GABRG3: variants seen among roughly 807,000 people sequenced by gnomAD.
GABRG3 encodes gamma-aminobutyric acid type A receptor subunit gamma3.
A neutral mutation model predicts 48.8 loss-of-function variants in GABRG3; 25 were observed. The observed-to-expected ratio is 0.51, with a 90% CI of 0.37 to 0.72. The LOEUF (loss-of-function observed/expected upper bound fraction) is 0.72. GABRG3 is among the 30% of genes least tolerant of loss of function. The pLI is 0.00. For synonymous variants in GABRG3, 227 were observed against 217.6 expected (o/e 1.04, Z -0.38); for missense variants, 394 against 577.9 (o/e 0.68, Z 3.26).
At chr15:27,276,479 A>G (rs1891258514) in intron 3 of GABRG3, among the ~76,000 whole-genome samples, 2 of 152,162 alleles carry the variant, frequency 1.3e-5, no homozygotes, top group Non-Finnish European at 2.9e-5. Flanking sequence ...AGACTAGAAT[A>G]TTTCATGGAT....
chr15:27,237,942 G>A (rs1392457963), intron 3 of GABRG3, among the ~76,000 whole-genome samples: 4 of 152,198 alleles, frequency 2.6e-5, no homozygotes, highest in Admixed American at 1.3e-4. Context: ...CTTAGACTCT[G>A]CATGCCCTCT....
At chr15:27,512,161 A>G (rs547071625) in intron 6 of GABRG3, among the ~76,000 whole-genome samples, 49 of 152,308 alleles carry the variant, frequency 3.2e-4, no homozygotes, top group African/African-American at 1.2e-3. Context: ...TGGCTGTTAG[A>G]TAGAAAATAA....
intron 2 of GABRG3, among the ~76,000 whole-genome samples, chr15:27,004,129 ACC>A (rs1326410581): frequency 8.2e-6 from 1 of 121,992 alleles, no homozygotes; most frequent in Non-Finnish European, 1.7e-5. Context: ...CGGGGGGCTG[ACC>A]CCCCCACCTC....
intron 2 of GABRG3, among the ~76,000 whole-genome samples, chr15:27,001,963 G>A (rs1895457543): frequency 6.9e-6 from 1 of 144,780 alleles, no homozygotes; most frequent in Non-Finnish European, 1.5e-5. Flanking sequence ...TGATGTAGAT[G>A]AAGATATAGT....
At chr15:27,501,760 T>C (rs1158569475) in intron 6 of GABRG3, among the ~76,000 whole-genome samples, 4 of 152,174 alleles carry the variant, frequency 2.6e-5, no homozygotes, top group Non-Finnish European at 5.9e-5. Flanking sequence ...TCTGTCTCGT[T>C]TGGTTGTGTG....
At chr15:27,233,098 T>G (rs1399854743) in intron 3 of GABRG3, among the ~76,000 whole-genome samples, 1 of 151,974 alleles carries the variant, frequency 6.6e-6, no homozygotes, top group African/African-American at 2.4e-5. Context: ...ATCACTTGTG[T>G]TGGAAGCTGC....
At chr15:27,255,969 T>C (rs906750404) in intron 3 of GABRG3, among the ~76,000 whole-genome samples, 3 of 152,236 alleles carry the variant, frequency 2.0e-5, no homozygotes, top group Admixed American at 6.5e-5. Context: ...TGTTCACTTC[T>C]TAATTCCCAG....
intron 3 of GABRG3, among the ~76,000 whole-genome samples, chr15:27,115,890 A>C (rs1171618454): frequency 6.6e-6 from 1 of 152,200 alleles, no homozygotes; most frequent in Non-Finnish European, 1.5e-5. Context: ...TAGACAATGA[A>C]GGGGTAAAGT....
intron 3 of GABRG3, among the ~76,000 whole-genome samples, chr15:27,070,936 G>C (rs1019306972): frequency 3.3e-5 from 5 of 152,162 alleles, no homozygotes; most frequent in African/African-American, 1.2e-4. Context: ...GGTGCAGACG[G>C]GACTGCGAGG....
chr15:27,269,939 T>C (rs1425776994), intron 3 of GABRG3, among the ~76,000 whole-genome samples: 11 of 152,216 alleles, frequency 7.2e-5, no homozygotes, highest in Non-Finnish European at 1.5e-5. Context: ...TAAACTAATA[T>C]TAACTATAAT....
chr15:27,034,922 T>C (rs766012794), intron 3 of GABRG3, among the ~76,000 whole-genome samples: 5 of 152,220 alleles, frequency 3.3e-5, no homozygotes, highest in Non-Finnish European at 7.3e-5. Context: ...TTTGCTCCAG[T>C]AGTCTTAGCT....
At chr15:27,411,965 A>T (rs991018220) in intron 5 of GABRG3, among the ~76,000 whole-genome samples, 3 of 151,802 alleles carry the variant, frequency 2.0e-5, no homozygotes, top group Non-Finnish European at 4.4e-5. Context: ...TTCTTTCTTT[A>T]TGTAGGTTTA....
At chr15:27,347,356 G>T (rs935766873) in intron 5 of GABRG3, among the ~76,000 whole-genome samples, 3 of 152,146 alleles carry the variant, frequency 2.0e-5, no homozygotes, top group Non-Finnish European at 2.9e-5. Context: ...GTTTTCCTGG[G>T]CTGTGGCCTT....
At chr15:27,235,674 G>A (rs957027542) in intron 3 of GABRG3, among the ~76,000 whole-genome samples, 17 of 152,238 alleles carry the variant, frequency 1.1e-4, no homozygotes, top group Middle Eastern at 3.4e-3. Context: ...TTATTGACAC[G>A]TATGCCTCCT....
intron 3 of GABRG3, among the ~76,000 whole-genome samples, chr15:27,265,653 C>T (rs6606893): frequency 0.48 from 72,921 of 151,934 alleles, 19,232 homozygotes; most frequent in Non-Finnish European, 0.61. Flanking sequence ...ATGATTTGAG[C>T]GAGCACTTCC....
chr15:27,192,687 A>C (rs201199331), intron 3 of GABRG3, among the ~76,000 whole-genome samples: 3 of 152,030 alleles, frequency 2.0e-5, no homozygotes, highest in African/African-American at 7.2e-5. Context: ...CCTGTAGCTC[A>C]TAGTTTGATC....
intron 5 of GABRG3, among the ~76,000 whole-genome samples, chr15:27,402,340 T>G (rs1887498269): frequency 6.6e-6 from 1 of 152,194 alleles, no homozygotes; most frequent in Non-Finnish European, 1.5e-5. Context: ...GGGGTTAAGT[T>G]CAGGGGAAGG....
chr15:27,000,911 A>C (rs1895433524), intron 2 of GABRG3, among the ~76,000 whole-genome samples: 1 of 151,970 alleles, frequency 6.6e-6, no homozygotes. Context: ...GACTATTTCC[A>C]CTCTAGCTGT....
At chr15:27,044,590 A>C (rs17137562) in intron 3 of GABRG3, among the ~76,000 whole-genome samples, 5,046 of 152,326 alleles carry the variant, frequency 0.033, 285 homozygotes, top group African/African-American at 0.12. Flanking sequence ...GTACAATGCC[A>C]GTGTTAAAAG....
Sources: gnomAD v4.1 joint callset for allele counts (sites outside exome capture counted in the v4.1 genomes callset) on GRCh38, gnomAD v4.1.1 for gene constraint, MANE v1.5 for transcripts, NCBI Gene and HGNC (gene_info 2026-07-23, HGNC 2026-07-21) for gene names.